Variants in SECISBP2L observed in about 807,000 individuals in gnomAD.
SECISBP2L encodes the protein selenocysteine insertion sequence-binding protein 2-like.
Under a neutral mutation model 114.7 loss-of-function variants are expected in SECISBP2L, and 43 were observed. The ratio of observed to expected loss-of-function variants is 0.38; its 90% CI spans 0.29 to 0.48. The LOEUF (loss-of-function observed/expected upper bound fraction) is 0.48. Among genes scored for constraint, SECISBP2L ranks in the 20% least tolerant of loss-of-function variants. The pLI is 0.98. For missense variants in SECISBP2L, 1,136 were observed against 1,301.1 expected (o/e 0.87, Z 1.95); for synonymous variants, 451 against 439.7 (o/e 1.03, Z -0.32).
Position 49,001,347 on chromosome 15 carries a change from TTA to T in SECISBP2L, c.2028-252_2028-251del, listed in dbSNP as rs1902203993. 7.2e-5 allele frequency among the ~76,000 whole-genome samples: 11 copies of T among 152,354 alleles called. No individual in the cohort carries two copies. In the South Asian group the frequency reaches 2.3e-3, roughly 32 times the overall value. ...AGTATTCAACAAATGCTTGCTTTTA[TTA>T]TGATACTGGTTTATCACTTTATCCC... On this transcript the variant is annotated intron_variant, in intron 14 of 17. Transcript: ENST00000559471.
rs1901964551 is a variant in SECISBP2L at position 48,990,928 on chromosome 15, C to A, written c.*1316G>T. ...AATTACATAGTTTGTCATTCTTCCA[C>A]CATTACATAAACTTGTAAAGTCACT... On this transcript the variant is annotated 3_prime_UTR_variant, in exon 18 of 18. Transcript: ENST00000559471. 1 of 152,078 alleles carries A rather than the reference C, an allele frequency of 6.6e-6. No individual in the cohort carries two copies. The allele number at this position is 152,078 out of a possible 1,614,324, so 9.4% of individuals were successfully genotyped here.
intron 17 of SECISBP2L, among the ~76,000 whole-genome samples, chr15:48,995,289 T>G (rs1902064506): frequency 6.6e-6 from 1 of 152,164 alleles, no homozygotes; most frequent in Non-Finnish European, 1.5e-5. Flanking sequence ...TTCTTAATTT[T>G]CAACTAGTAT....
intron 17 of SECISBP2L, among the ~76,000 whole-genome samples, chr15:48,995,101 CT>C (rs1902060940): frequency 2.0e-5 from 3 of 152,116 alleles, no homozygotes; most frequent in African/African-American, 7.2e-5. Flanking sequence ...TCACCTCAAT[CT>C]CTGAGACTTT....
chr15:49,002,741 T>C (rs1047006233), intron 14 of SECISBP2L, among the ~76,000 whole-genome samples: 1 of 152,194 alleles, frequency 6.6e-6, no homozygotes, highest in Non-Finnish European at 1.5e-5. Context: ...TTTGTCAGAT[T>C]TGTCAAAGAT....
chr15:48,999,701 C>A (rs1902164290), intron 16 of SECISBP2L, 132 bp downstream of exon 16: 10 of 945,166 alleles, frequency 1.1e-5, no homozygotes, highest in Non-Finnish European at 1.5e-5. Context: ...CAAAAAATTT[C>A]CATTTATTCT....
At position 48,999,972 on chromosome 15, in the gene SECISBP2L, G is replaced by C; in HGVS notation, c.2264C>G (p.Ala755Gly). 2 of 1,613,582 alleles carry C rather than the reference G, an allele frequency of 1.2e-6. No individual in the cohort carries two copies. The highest frequency in any genetic ancestry group is 1.7e-6 in the Non-Finnish European group (2 of 1,179,742). Residue 755 changes from alanine to glycine, a missense_variant, in exon 16 of 18, where the codon GCT becomes GGT. Physicochemically the swap from Ala to Gly is moderately conservative, Grantham distance 60. Around this residue, in one of 2 missense-constraint regions of SECISBP2L, gnomAD observed 684 missense variants for 848.7 expected, o/e 0.81. Transcript: ENST00000559471. Reference sequence around the variant, plus strand: ...TGCCATGGCTATAACATTATAGAGAGCCTCATCCAGACCACCTGAGAAAAT... The same window carrying C: ...TGCCATGGCTATAACATTATAGAGACCCTCATCCAGACCACCTGAGAAAAT... ...KIQSKGGLDE[A>G]LYNVIAMARE...
intron 1 of SECISBP2L, among the ~76,000 whole-genome samples, chr15:49,044,224 C>T (rs529333420): frequency 6.6e-6 from 1 of 152,072 alleles, no homozygotes; most frequent in Non-Finnish European, 1.5e-5. Flanking sequence ...TTTTCAATGA[C>T]GTCAATCTAC....
At chr15:49,000,733 T>G (rs1902186069) in intron 15 of SECISBP2L, 144 bp downstream of exon 15, 1 of 623,292 alleles carries the variant, frequency 1.6e-6, no homozygotes, top group East Asian at 2.9e-5. Flanking sequence ...TTTCAGGTAT[T>G]GAAAGACTGC....
intron 13 of SECISBP2L, 70 bp from the exon 14 acceptor site, chr15:49,009,448 T>G: frequency 1.4e-6 from 2 of 1,466,816 alleles, no homozygotes; most frequent in Non-Finnish European, 1.8e-6. Flanking sequence ...CGTTGATCAA[T>G]GCAATTTAGA....
chr15:49,001,791 C>T (rs1035532950), intron 14 of SECISBP2L: 1 of 152,270 alleles, frequency 6.6e-6, no homozygotes, highest in African/African-American at 2.4e-5. Context: ...AGAACATGAA[C>T]TCATCCTTTT....
At chr15:49,026,618 G>T (rs1359906613) in intron 7 of SECISBP2L, among the ~76,000 whole-genome samples, 1 of 152,132 alleles carries the variant, frequency 6.6e-6, no homozygotes, top group African/African-American at 2.4e-5. Context: ...TTTCATTCCA[G>T]GGAGGCAAAG....
intron 15 of SECISBP2L, 101 bp downstream of exon 15, chr15:49,000,776 T>C (rs1902187091): frequency 9.9e-6 from 9 of 913,172 alleles, no homozygotes; most frequent in African/African-American, 1.7e-5. Flanking sequence ...TATTGTTTTA[T>C]ACCTAAACTC....
intron 14 of SECISBP2L, among the ~76,000 whole-genome samples, chr15:49,004,322 TTC>T (rs921431370): frequency 3.9e-5 from 6 of 152,204 alleles, no homozygotes; most frequent in Non-Finnish European, 7.3e-5. Flanking sequence ...TATTTGATTC[TTC>T]TCTCTTTTCT....
In SECISBP2L at chr15:49,009,351, G is replaced by T; in HGVS notation, c.1892C>A (p.Thr631Asn). 2 of 1,613,958 alleles carry T rather than the reference G, an allele frequency of 1.2e-6. No individual in the cohort carries two copies. Among genetic ancestry groups the T allele is most frequent in the Non-Finnish European group, 1.7e-6 (2 of 1,179,930 alleles). The change falls in exon 14 of 18, where the codon ACT becomes AAT. Residue 631 changes from threonine to asparagine, a missense_variant. Transcript: ENST00000559471. ...GTTCTGACTTGCTGGAGAGAGTGAA[G>T]TATCACTGGGCATGCTTAGTCCAGT... ...EDTGLSMPSD[T>N]SLSPASQNSP...
At chr15:49,018,335 C>A (rs1017273622) in intron 8 of SECISBP2L, among the ~76,000 whole-genome samples, 21 of 151,390 alleles carry the variant, frequency 1.4e-4, no homozygotes, top group African/African-American at 4.9e-4. Flanking sequence ...CGGCTCACTG[C>A]AACCTCCACC....
intron 7 of SECISBP2L, among the ~76,000 whole-genome samples, chr15:49,021,589 C>G (rs1380438286): frequency 5.9e-5 from 9 of 152,164 alleles, no homozygotes; most frequent in Non-Finnish European, 1.3e-4. Flanking sequence ...GCCTTGGATT[C>G]TGAAGTCAAA....
chr15:49,016,662 G>A lies in SECISBP2L; in HGVS notation c.1459C>T (p.Pro487Ser). Residue 487 changes from proline (P) to serine (S), a missense_variant, in exon 11 of 18, where the codon CCT becomes TCT. Pro to Ser is a moderately conservative substitution (Grantham distance 74, BLOSUM62 -1). Transcript: ENST00000559471. ...ATGTCCCCTAAATCTAGCTGCACAGGTGTTTTATTCTTTTTTCCAGCTGCT... is the reference window on the plus strand; with the variant it reads ...ATGTCCCCTAAATCTAGCTGCACAGATGTTTTATTCTTTTTTCCAGCTGCT... ...SKAAGKKNKTPVQLDLGDMLA... is the reference protein window; with the variant it reads ...SKAAGKKNKTSVQLDLGDMLA... The A allele has an allele frequency of 6.2e-7, 1 of 1,602,160 alleles. No homozygotes were observed. Among genetic ancestry groups the A allele is most frequent in the Non-Finnish European group, 8.5e-7 (1 of 1,175,278 alleles).
Position 48,992,939 on chromosome 15 carries a change from A to C in SECISBP2L, c.2624-13T>G. ...CTCCAATTTGTTTCTACAAGTATCA[A>C]GCAGATTTTTTAAAAACCAGAACAC... On this transcript the variant is annotated splice_polypyrimidine_tract_variant and intron_variant, in intron 17 of 17. Transcript: ENST00000559471. 1.3e-6 allele frequency: 2 copies of C among 1,596,234 alleles called. No individual in the cohort carries two copies. Among genetic ancestry groups the C allele is most frequent in the Non-Finnish European group, 1.7e-6 (2 of 1,170,536 alleles).
chr15:49,021,086 A>G (rs950680039), intron 7 of SECISBP2L, among the ~76,000 whole-genome samples: 8 of 152,106 alleles, frequency 5.3e-5, no homozygotes, highest in African/African-American at 1.9e-4. Context: ...TTATGAGGGC[A>G]GAGCCATCAC....
Sources: gnomAD v4.1 joint callset for allele counts (sites outside exome capture counted in the v4.1 genomes callset) on GRCh38, gnomAD v4.1.1 for gene constraint, gnomAD v4.1.1 regional missense constraint, MANE v1.5 for transcripts, NCBI Gene and HGNC (gene_info 2026-07-23, HGNC 2026-07-21) for gene names.